Variants in OPA1 observed in about 807,000 individuals in gnomAD.
OPA1 encodes OPA1 mitochondrial dynamin like GTPase, also known as dynamin-like GTPase OPA1, mitochondrial.
Under a neutral mutation model 152.9 loss-of-function variants are expected in OPA1, and 59 were observed. That is an observed-to-expected ratio of 0.39 (90% confidence interval 0.31 to 0.48). The LOEUF (loss-of-function observed/expected upper bound fraction) is 0.48. OPA1 is among the 20% of genes least tolerant of loss of function. OPA1 has a pLI of 0.96. For synonymous variants in OPA1, 400 were observed against 389.9 expected (o/e 1.03, Z -0.31); for missense variants, 1,008 against 1,216.8 (o/e 0.83, Z 2.55).
At chr3:193,663,971 T>C (rs1410446637) in intron 26 of OPA1, among the ~76,000 whole-genome samples, 2 of 152,250 alleles carry the variant, frequency 1.3e-5, no homozygotes, top group South Asian at 2.1e-4. Context: ...TTAAACGTTA[T>C]GTGGCACGTT....
At chr3:193,607,755 G>A (rs1727517393) in intron 1 of OPA1, among the ~76,000 whole-genome samples, 1 of 152,038 alleles carries the variant, frequency 6.6e-6, no homozygotes, top group African/African-American at 2.4e-5. Flanking sequence ...CTCTTTTTTG[G>A]TTCCATATGA....
At chr3:193,641,935 C>T (rs148080014) in intron 11 of OPA1, among the ~76,000 whole-genome samples, 20 of 152,162 alleles carry the variant, frequency 1.3e-4, no homozygotes, top group African/African-American at 3.9e-4. Flanking sequence ...GCCAACATGG[C>T]GAAACCCTGT....
intron 11 of OPA1, among the ~76,000 whole-genome samples, chr3:193,641,337 C>G (rs1472601925): frequency 2.0e-5 from 3 of 152,074 alleles, no homozygotes; most frequent in Non-Finnish European, 2.9e-5. Context: ...TTTTTTGTTT[C>G]CCTAGAGCAG....
chr3:193,646,985 C>T, intron 18 of OPA1, 80 bp from the exon 19 acceptor site: 5 of 868,248 alleles, frequency 5.8e-6, no homozygotes, highest in Non-Finnish European at 9.3e-6. Context: ...TTAGCAAGCA[C>T]ATTCGCAGAC....
intron 29 of OPA1, chr3:193,668,658 C>A: frequency 6.7e-7 from 1 of 1,483,148 alleles, no homozygotes. Context: ...CAGTACTGGA[C>A]CAGGCTACCA....
At chr3:193,668,633 C>T (rs1363776056) in intron 29 of OPA1, 10 of 1,523,336 alleles carry the variant, frequency 6.6e-6, no homozygotes, top group South Asian at 6.1e-5. Flanking sequence ...CACCCTCCTG[C>T]ACAGATACTC....
chr3:193,593,822 C>T (rs887827503), intron 1 of OPA1, among the ~76,000 whole-genome samples: 2 of 152,012 alleles, frequency 1.3e-5, no homozygotes, highest in South Asian at 4.2e-4. Context: ...CTCTCGGTGT[C>T]TTCTTTTTCT....
intron 21 of OPA1, among the ~76,000 whole-genome samples, chr3:193,652,744 G>T (rs1025133539): frequency 5.3e-5 from 8 of 152,296 alleles, no homozygotes; most frequent in African/African-American, 1.9e-4. Flanking sequence ...AACAGAAATT[G>T]TTGGGATGGA....
intron 29 of OPA1, among the ~76,000 whole-genome samples, chr3:193,689,887 G>A (rs187660256): frequency 6.6e-6 from 1 of 152,122 alleles, no homozygotes; most frequent in African/African-American, 2.4e-5. Flanking sequence ...AAGTTAGATG[G>A]TTTTTTAAGA....
At chr3:193,599,294 G>C (rs1467814832) in intron 1 of OPA1, among the ~76,000 whole-genome samples, 1 of 151,964 alleles carries the variant, frequency 6.6e-6, no homozygotes, top group African/African-American at 2.4e-5. Context: ...TCTTCAATTG[G>C]ATATTCAGTC....
chr3:193,650,715 T>C (rs1029808504), intron 21 of OPA1, among the ~76,000 whole-genome samples: 1 of 152,172 alleles, frequency 6.6e-6, no homozygotes, highest in African/African-American at 2.4e-5. Context: ...AGATTTGACA[T>C]ATAATACATT....
chr3:193,654,762 A>G, intron 21 of OPA1, 100 bp from the exon 22 acceptor site: 1 of 1,257,292 alleles, frequency 8.0e-7, no homozygotes, highest in Non-Finnish European at 1.1e-6. Flanking sequence ...AAAATTTTAA[A>G]TATGTACAGT....
rs1266812450 is a variant in OPA1, at chr3:193,596,325, CCTTTCCTTTCCTTTTCTTTT to C, written c.32+2921_32+2940del. On this transcript the variant is annotated intron_variant, in intron 1 of 30. Transcript: ENST00000361510. ...CTTTTCTTTTCCTTTCCTTTCCTTT[CCTTTCCTTTCCTTTTCTTTT>C]CTTTTCTTTTCTTTTCTTAATTTTC... Among the ~76,000 whole-genome samples the C allele has an allele frequency of 3.3e-3, 404 of 121,598 alleles. 5 individuals are homozygous for C. Among genetic ancestry groups the C allele is most frequent in the East Asian group, 0.011 (46 of 4,012 alleles). 79.8% of individuals were successfully genotyped at this position (121,598 alleles called of 152,430 possible). A position where few individuals can be genotyped will look rare whatever the true frequency, so the allele number is the denominator to read the frequency against.
At chr3:193,628,903 C>CAGCTAA (rs1250011577) in intron 7 of OPA1, among the ~76,000 whole-genome samples, 6 of 151,896 alleles carry the variant, frequency 4.0e-5, no homozygotes, top group African/African-American at 1.5e-4. Flanking sequence ...ACTTTACCAC[C>CAGCTAA]AGCTGTCTTT....
chr3:193,666,495 T>G (rs1716566133), intron 28 of OPA1, 106 bp downstream of exon 28: 1 of 976,668 alleles, frequency 1.0e-6, no homozygotes, highest in Non-Finnish European at 1.6e-6. Flanking sequence ...AGTAGATTTA[T>G]TAGAAAAACT....
At chr3:193,618,531 G>T (rs1577167672) in intron 5 of OPA1, 1 of 246,758 alleles carries the variant, frequency 4.1e-6, no homozygotes, top group Non-Finnish European at 7.8e-6. Flanking sequence ...TGCTATACAT[G>T]GTCTGTAATG....
At chr3:193,668,971 T>C in intron 29 of OPA1, 1 of 565,326 alleles carries the variant, frequency 1.8e-6, no homozygotes. Flanking sequence ...TTCACTGACT[T>C]CAGCTTCGTG....
intron 21 of OPA1, among the ~76,000 whole-genome samples, chr3:193,650,820 C>T (rs1012902587): frequency 6.6e-6 from 1 of 152,150 alleles, no homozygotes; most frequent in Non-Finnish European, 1.5e-5. Flanking sequence ...ATATCATTAA[C>T]ATCATGTGAC....
At chr3:193,605,640 T>G (rs1727140126) in intron 1 of OPA1, among the ~76,000 whole-genome samples, 1 of 152,328 alleles carries the variant, frequency 6.6e-6, no homozygotes, top group Non-Finnish European at 1.5e-5. Context: ...AGCATAACAA[T>G]TCTAGTTCAG....
Sources: gnomAD v4.1 joint callset for allele counts (sites outside exome capture counted in the v4.1 genomes callset) on GRCh38, gnomAD v4.1.1 for gene constraint, MANE v1.5 for transcripts, NCBI Gene and HGNC (gene_info 2026-07-23, HGNC 2026-07-21) for gene names.